CTNNA1: variants seen among roughly 807,000 people sequenced by gnomAD.
CTNNA1 encodes the protein catenin alpha-1.
In CTNNA1, 37 loss-of-function variants were observed where a neutral mutation model predicts 98.4. The ratio of observed to expected loss-of-function variants is 0.38; its 90% CI spans 0.29 to 0.49. The LOEUF is 0.49. Ranked by LOEUF, CTNNA1 falls within the 20% of genes least tolerant of loss-of-function variation. The pLI, the probability that CTNNA1 is intolerant of heterozygous loss-of-function variation, is 0.95. For synonymous variants in CTNNA1, 404 were observed against 413.2 expected (o/e 0.98, Z 0.27); for missense variants, 761 against 1,147.2 (o/e 0.66, Z 4.86).
At chr5:138,856,854 T>C (rs911882079) in intron 7 of CTNNA1, among the ~76,000 whole-genome samples, 1 of 152,206 alleles carries the variant, frequency 6.6e-6, no homozygotes, top group African/African-American at 2.4e-5. Context: ...GAAAAGAAAG[T>C]TGTAAATATG....
chr5:138,932,583 C>A lies in CTNNA1; in HGVS notation c.2304C>A (p.Pro768=), dbSNP rs147022694. Residue 768 remains proline (P), a synonymous_variant, in exon 17 of 18, where the codon CCC becomes CCA. Coordinates refer to ENST00000302763, the MANE Select transcript of CTNNA1 (RefSeq NM_001903.5). The stretch of plus-strand genomic sequence containing the variant: ...TAAGCCTGCTCTCTCTTCAGTGCCC[C>A]GACTCGGCTTGCAAGCAGGACCTGC... ...KLGRTIADHC[P]DSACKQDLLA... 1 of 1,614,082 alleles carries A rather than the reference C, an allele frequency of 6.2e-7. No individual in the cohort carries two copies. Among genetic ancestry groups the A allele is most frequent in the Non-Finnish European group, 8.5e-7 (1 of 1,179,986 alleles).
chr5:138,806,979 A>G (rs1229222877), intron 3 of CTNNA1, among the ~76,000 whole-genome samples: 6 of 146,548 alleles, frequency 4.1e-5, no homozygotes, highest in Non-Finnish European at 9.0e-5. Flanking sequence ...TTTTAAAAAT[A>G]TGTGTAGTGC....
At chr5:138,796,297 C>T (rs145271396) in intron 3 of CTNNA1, among the ~76,000 whole-genome samples, 3 of 152,298 alleles carry the variant, frequency 2.0e-5, no homozygotes, top group Admixed American at 2.0e-4. Flanking sequence ...TGGCTCATGC[C>T]TGTAATCCCA....
intron 7 of CTNNA1, chr5:138,871,586 T>G (rs573476193): frequency 1.3e-5 from 2 of 152,368 alleles, no homozygotes; most frequent in East Asian, 3.9e-4. Flanking sequence ...CCCTGTTTGG[T>G]GCAGATTGTG....
chr5:138,873,165 G>C lies in CTNNA1; in HGVS notation c.1063-13047G>C. 1 of 1,613,984 alleles carries C rather than the reference G, an allele frequency of 6.2e-7. No homozygotes were observed. The highest frequency in any genetic ancestry group is 8.5e-7 in the Non-Finnish European group (1 of 1,179,892). On this transcript the variant is annotated intron_variant, in intron 7 of 17. Transcript: ENST00000302763. The surrounding 1 kb of genome is among the most constrained non-coding windows in gnomAD (Gnocchi z 6.1). ...TGGAGTCGTGTTTGGGATCGGAGCT[G>C]CCTGTGGTTCTGAACCATTGAGCAC...
chr5:138,764,985 T>C (rs1752769842), intron 1 of CTNNA1, among the ~76,000 whole-genome samples: 3 of 151,820 alleles, frequency 2.0e-5, no homozygotes, highest in African/African-American at 7.2e-5. Context: ...GCGATTCTTC[T>C]GCCTCAGCCT....
intron 7 of CTNNA1, among the ~76,000 whole-genome samples, chr5:138,837,867 G>C (rs55808805): frequency 0.05 from 7,588 of 152,058 alleles, 259 homozygotes; most frequent in Non-Finnish European, 0.073. Flanking sequence ...AAAGCAGTCT[G>C]CCTGCCCCAG....
chr5:138,861,803 A>C, intron 7 of CTNNA1, among the ~76,000 whole-genome samples: 1 of 152,224 alleles, frequency 6.6e-6, no homozygotes, highest in East Asian at 1.9e-4. Flanking sequence ...TGGACTGAAA[A>C]GATAGCTCAG....
intron 1 of CTNNA1, among the ~76,000 whole-genome samples, chr5:138,756,456 C>A (rs763925759): frequency 2.0e-5 from 3 of 152,124 alleles, no homozygotes; most frequent in Admixed American, 2.0e-4. Flanking sequence ...TGTGAGCCAC[C>A]GCACTTTCGG....
At chr5:138,772,951 A>G (rs918375168) in intron 1 of CTNNA1, among the ~76,000 whole-genome samples, 1 of 151,472 alleles carries the variant, frequency 6.6e-6, no homozygotes, top group Non-Finnish European at 1.5e-5. Context: ...GATTTGGAGT[A>G]TAGAATTCAA....
intron 7 of CTNNA1, among the ~76,000 whole-genome samples, chr5:138,864,975 G>C (rs973551022): frequency 1.2e-4 from 18 of 151,866 alleles, no homozygotes; most frequent in African/African-American, 4.4e-4. Context: ...CACCACACCC[G>C]GCTAATTTTT....
chr5:138,919,792 T>C (rs529088935), intron 11 of CTNNA1, among the ~76,000 whole-genome samples: 3 of 152,282 alleles, frequency 2.0e-5, no homozygotes, highest in African/African-American at 7.2e-5. Context: ...TTAGGAATGT[T>C]ACGTAATTAA....
chr5:138,785,218 C>T (rs1755545652), intron 3 of CTNNA1, among the ~76,000 whole-genome samples: 1 of 151,236 alleles, frequency 6.6e-6, no homozygotes, highest in African/African-American at 2.4e-5. Context: ...CCCGCCACTA[C>T]GCCCGGCTAA....
At position 138,784,259 on chromosome 5, in the gene CTNNA1, G is replaced by C. The variant is rs1007639302; in HGVS notation, c.301+887G>C. 8.5e-5 allele frequency among the ~76,000 whole-genome samples: 13 copies of C among 152,194 alleles called. No homozygotes were observed. In the East Asian group the frequency reaches 2.3e-3, roughly 27 times the overall value. ...TTTCCAGTCGGAGAATTTCAACAAT[G>C]ATGTAGGTTTTTTAGGTTATTGGAT... On this transcript the variant is annotated intron_variant, in intron 3 of 17. Coordinates refer to ENST00000302763, the MANE Select transcript of CTNNA1 (RefSeq NM_001903.5).
At chr5:138,922,049 C>T (rs1300836749) in intron 11 of CTNNA1, among the ~76,000 whole-genome samples, 1 of 152,034 alleles carries the variant, frequency 6.6e-6, no homozygotes, top group African/African-American at 2.4e-5. Flanking sequence ...GCCCTGCATA[C>T]GCTGCATGCC....
At chr5:138,921,938 C>T (rs1205735924) in intron 11 of CTNNA1, among the ~76,000 whole-genome samples, 3 of 151,262 alleles carry the variant, frequency 2.0e-5, no homozygotes, top group African/African-American at 4.9e-5. Flanking sequence ...TTTAAGCCTA[C>T]TATATAGTTT....
At chr5:138,910,259 A>T (rs1760316795) in intron 10 of CTNNA1, among the ~76,000 whole-genome samples, 1 of 119,726 alleles carries the variant, frequency 8.4e-6, no homozygotes, top group Admixed American at 8.5e-5. Context: ...TTTTTGGAAA[A>T]ATCTGTGTAT....
chr5:138,838,312 A>G (rs942847227), intron 7 of CTNNA1, among the ~76,000 whole-genome samples: 1 of 152,230 alleles, frequency 6.6e-6, no homozygotes, highest in East Asian at 1.9e-4. Context: ...TGTGGCTTTC[A>G]ATGAATTAGT....
chr5:138,810,352 T>A (rs1378725129), intron 4 of CTNNA1, 148 bp downstream of exon 4: 1 of 786,990 alleles, frequency 1.3e-6, no homozygotes, highest in African/African-American at 1.7e-5. Context: ...AATTTCCACT[T>A]ACTCCTCTAT....
Sources: gnomAD v4.1 joint callset for allele counts (sites outside exome capture counted in the v4.1 genomes callset) on GRCh38, gnomAD v4.1.1 for gene constraint, Gnocchi (gnomAD v3.1) non-coding constraint, MANE v1.5 for transcripts, NCBI Gene and HGNC (gene_info 2026-07-23, HGNC 2026-07-21) for gene names.